SEL1L3: variants seen among roughly 807,000 people sequenced by gnomAD.
SEL1L3 encodes the protein protein sel-1 homolog 3.
A neutral mutation model predicts 142.8 loss-of-function variants in SEL1L3; 76 were observed. That is an observed-to-expected ratio of 0.53 (90% CI 0.44 to 0.64). The LOEUF (loss-of-function observed/expected upper bound fraction) is 0.64. Among genes scored for constraint, SEL1L3 ranks in the 30% least tolerant of loss-of-function variants. SEL1L3 has a pLI of 0.00. For missense variants in SEL1L3, 1,262 were observed against 1,381.7 expected, an observed-to-expected ratio of 0.91 and a Z score of 1.37; for synonymous variants, 504 against 519.6, an observed-to-expected ratio of 0.97 and a Z score of 0.41.
the SEL1L3 span, among the ~76,000 whole-genome samples, chr4:25,715,905 G>A: frequency 6.6e-6 from 1 of 152,102 alleles, no homozygotes; most frequent in Admixed American, 6.6e-5. Context: ...ATTCTGGGAG[G>A]ACACTAAAGG....
chr4:25,724,783 T>TG, the SEL1L3 span, among the ~76,000 whole-genome samples: 9 of 109,586 alleles, frequency 8.2e-5, no homozygotes, highest in East Asian at 2.6e-3. Flanking sequence ...GAAAAGAAAT[T>TG]AAAAGGAAAA....
chr4:25,807,190 AC>A (rs1713647563), intron 9 of SEL1L3, among the ~76,000 whole-genome samples: 1 of 152,188 alleles, frequency 6.6e-6, no homozygotes, highest in South Asian at 2.1e-4. Flanking sequence ...CCGTAGCTGT[AC>A]CATTTTCCCT....
the SEL1L3 span, among the ~76,000 whole-genome samples, chr4:25,729,606 CG>C: frequency 6.6e-6 from 1 of 152,076 alleles, no homozygotes; most frequent in Admixed American, 6.5e-5. Flanking sequence ...TCCAGCTACC[CG>C]GGAGGCTGAG....
At chr4:25,745,353 C>A (rs930629084), downstream of SEL1L3, among the ~76,000 whole-genome samples, 1 of 151,866 alleles carries the variant, frequency 6.6e-6, no homozygotes, top group Non-Finnish European at 1.5e-5. Context: ...CAAGATCATG[C>A]CACTGTCCTC....
chr4:25,722,584 G>T, the SEL1L3 span, among the ~76,000 whole-genome samples: 1 of 148,930 alleles, frequency 6.7e-6, no homozygotes, highest in Non-Finnish European at 1.5e-5. Context: ...ACACCATTTC[G>T]ATCATAAGAG....
At chr4:25,744,715 A>C (rs895853526), downstream of SEL1L3, among the ~76,000 whole-genome samples, 2 of 152,186 alleles carry the variant, frequency 1.3e-5, no homozygotes, top group African/African-American at 4.8e-5. Flanking sequence ...TGCAATGCAC[A>C]AGACAACCCT....
upstream of SEL1L3, among the ~76,000 whole-genome samples, chr4:25,863,195 C>T (rs2109337285): frequency 7.7e-6 from 1 of 129,350 alleles, no homozygotes; most frequent in Admixed American, 7.4e-5. Context: ...GCCGCCGCCA[C>T]CCCCCGCCCG....
the SEL1L3 span, among the ~76,000 whole-genome samples, chr4:25,733,181 G>C: frequency 6.6e-6 from 1 of 151,994 alleles, no homozygotes; most frequent in East Asian, 1.9e-4. Flanking sequence ...ATTTTCACTG[G>C]CATTGCATTG....
rs543101000 is a variant in SEL1L3 at position 25,768,577 on chromosome 4, G to C, written c.2670-747C>G. Among the ~76,000 whole-genome samples the C allele has an allele frequency of 6.6e-5, 10 of 152,248 alleles. No homozygotes were observed. The South Asian group carries it at 1.9e-3, about 28-fold the overall frequency. ...ATGTGGCCCTACAGTTCTCCCTTGTGGGGGTTTATTCTAAAGAAACAATCA... is the reference window on the plus strand; with the variant it reads ...ATGTGGCCCTACAGTTCTCCCTTGTCGGGGTTTATTCTAAAGAAACAATCA... On this transcript the variant is annotated intron_variant, in intron 17 of 23. Coordinates refer to ENST00000399878, the MANE Select transcript of SEL1L3 (RefSeq NM_015187.5).
chr4:25,792,574 G>C (rs1037633464), intron 11 of SEL1L3, among the ~76,000 whole-genome samples: 4 of 152,248 alleles, frequency 2.6e-5, no homozygotes, highest in Non-Finnish European at 5.9e-5. Flanking sequence ...GCTGCCCTGA[G>C]AAGGAGTTCT....
intron 9 of SEL1L3, among the ~76,000 whole-genome samples, chr4:25,811,629 A>G (rs1275716084): frequency 1.3e-5 from 2 of 152,232 alleles, no homozygotes; most frequent in African/African-American, 4.8e-5. Context: ...GGCTGCCGCC[A>G]TTCAGTTGCT....
chr4:25,849,063 C>T (rs752574058), intron 1 of SEL1L3, among the ~76,000 whole-genome samples: 21 of 152,098 alleles, frequency 1.4e-4, no homozygotes, highest in Non-Finnish European at 2.5e-4. Context: ...CACTTGAACC[C>T]GGGAGGTGGA....
chr4:25,752,709 C>T (rs1020999758), intron 23 of SEL1L3, among the ~76,000 whole-genome samples: 1 of 152,220 alleles, frequency 6.6e-6, no homozygotes, highest in Non-Finnish European at 1.5e-5. Flanking sequence ...CAGCCTCTGC[C>T]TCCCAGCTTC....
At chr4:25,742,118 T>TA in the SEL1L3 span, among the ~76,000 whole-genome samples, 1 of 152,004 alleles carries the variant, frequency 6.6e-6, no homozygotes, top group Non-Finnish European at 1.5e-5. Context: ...GGCCAAATCT[T>TA]ACGTTTTCTA....
At chr4:25,763,483 G>C (rs1430668037) in intron 20 of SEL1L3, among the ~76,000 whole-genome samples, 1 of 152,148 alleles carries the variant, frequency 6.6e-6, no homozygotes, top group Non-Finnish European at 1.5e-5. Context: ...TGGAGTGAGA[G>C]AGATGTGGGA....
At chr4:25,723,436 A>T in the SEL1L3 span, among the ~76,000 whole-genome samples, 1 of 152,030 alleles carries the variant, frequency 6.6e-6, no homozygotes, top group Non-Finnish European at 1.5e-5. Flanking sequence ...AATGTTTGTG[A>T]CTCTGAGATT....
the SEL1L3 span, among the ~76,000 whole-genome samples, chr4:25,730,996 A>C: frequency 1.3e-5 from 2 of 152,128 alleles, no homozygotes; most frequent in Admixed American, 6.5e-5. Flanking sequence ...ACACCACTGC[A>C]CTCCAGCCTG....
intron 6 of SEL1L3, among the ~76,000 whole-genome samples, chr4:25,829,794 T>C (rs1001572059): frequency 1.3e-5 from 2 of 152,224 alleles, no homozygotes; most frequent in African/African-American, 4.8e-5. Context: ...TCAGAATCCT[T>C]CATAGAAGAT....
intron 5 of SEL1L3, among the ~76,000 whole-genome samples, chr4:25,831,501 A>ATTTTT (rs1232285775): frequency 1.1e-5 from 1 of 91,958 alleles, no homozygotes; most frequent in African/African-American, 5.0e-5. Flanking sequence ...AAATAATAAT[A>ATTTTT]ATAATAATAA....
Sources: allele counts gnomAD v4.1 joint callset (sites outside exome capture counted in the v4.1 genomes callset), GRCh38; gene constraint gnomAD v4.1.1; transcripts MANE v1.5; gene names NCBI Gene and HGNC (gene_info 2026-07-23, HGNC 2026-07-21).